MYO1B: variants seen among roughly 807,000 people sequenced by gnomAD.
MYO1B encodes the protein unconventional myosin-Ib.
A neutral mutation model predicts 159.7 loss-of-function variants in MYO1B; 72 were observed. The ratio of observed to expected loss-of-function variants is 0.45; its 90% confidence interval spans 0.37 to 0.55. The LOEUF (loss-of-function observed/expected upper bound fraction) is 0.55. MYO1B is among the 20% of genes least tolerant of loss of function. The probability of loss-of-function intolerance (pLI) is 0.00; values close to 1 mark genes in which losing one functional copy is unlikely to be tolerated. For missense variants in MYO1B, 1,062 were observed against 1,364.8 expected (o/e 0.78, Z 3.50); for synonymous variants, 468 against 473.8 (o/e 0.99, Z 0.16).
intron 24 of MYO1B, among the ~76,000 whole-genome samples, chr2:191,403,650 C>A (rs1001681239): frequency 2.6e-5 from 4 of 152,162 alleles, no homozygotes; most frequent in Non-Finnish European, 4.4e-5. Flanking sequence ...CTGCTTTGAA[C>A]AATCTGCATT....
chr2:191,308,940 C>T (rs1689817191), intron 3 of MYO1B, among the ~76,000 whole-genome samples: 1 of 152,196 alleles, frequency 6.6e-6, no homozygotes, highest in Non-Finnish European at 1.5e-5. Context: ...ATCCAGCCTC[C>T]GCATTCCCGT....
At chr2:191,373,164 C>T (rs945477459) in intron 13 of MYO1B, among the ~76,000 whole-genome samples, 24 of 152,014 alleles carry the variant, frequency 1.6e-4, no homozygotes, top group Admixed American at 3.3e-4. Flanking sequence ...GCCTGTGTTA[C>T]ATTTCTAAAT....
rs59793988 is a variant in MYO1B at position 191,267,668 on chromosome 2, C to G, written c.-9-9219C>G. ...TTCTCCAATGCTTTAGGGAGCCCTG[C>G]AGGGCACCCCGTGTGGTTCTGTGTG... On this transcript the variant is annotated intron_variant, in intron 1 of 30. Transcript: ENST00000392318. Among the ~76,000 whole-genome samples the G allele has an allele frequency of 1.6e-3, 243 of 152,330 alleles. 3 individuals carry two copies. Among genetic ancestry groups the G allele is most frequent in the African/African-American group, 5.6e-3 (234 of 41,580 alleles).
intron 3 of MYO1B, among the ~76,000 whole-genome samples, chr2:191,321,991 A>G (rs1417945171): frequency 6.6e-6 from 1 of 152,034 alleles, no homozygotes; most frequent in Non-Finnish European, 1.5e-5. Flanking sequence ...ATACTCTTCC[A>G]TTTCAGTTAT....
chr2:191,424,775 C>T lies in MYO1B; in HGVS notation c.*815C>T, dbSNP rs182022455. The T allele has an allele frequency of 3.3e-5, 5 of 152,554 alleles. No homozygotes were observed. Among genetic ancestry groups the T allele is most frequent in the Middle Eastern group, 3.4e-3 (1 of 294 alleles). The allele number at this position is 152,554 out of a possible 1,614,324, so 9.5% of individuals were successfully genotyped here. A position where few individuals can be genotyped will look rare whatever the true frequency, so the allele number is the denominator to read the frequency against. Reference sequence around the variant, plus strand: ...TCTGGTAAATACCATATATGATCCTCGAAATGATAATATCTCCAGAATATT... The same window carrying T: ...TCTGGTAAATACCATATATGATCCTTGAAATGATAATATCTCCAGAATATT... On this transcript the variant is annotated 3_prime_UTR_variant, in exon 31 of 31. Transcript: ENST00000392318.
intron 2 of MYO1B, among the ~76,000 whole-genome samples, chr2:191,290,783 A>G (rs943847434): frequency 1.8e-4 from 28 of 152,324 alleles, no homozygotes; most frequent in African/African-American, 6.7e-4. Context: ...TGCCAAGTTT[A>G]TTAGAAATGT....
At chr2:191,398,710 C>T (rs1260202189) in intron 21 of MYO1B, among the ~76,000 whole-genome samples, 4 of 151,552 alleles carry the variant, frequency 2.6e-5, no homozygotes. Flanking sequence ...GATGGGATGG[C>T]GGCGGGGAAG....
chr2:191,341,671 G>A (rs1219718137), intron 5 of MYO1B, 106 bp downstream of exon 5: 5 of 829,646 alleles, frequency 6.0e-6, no homozygotes, highest in African/African-American at 3.4e-5. Flanking sequence ...GGAGGGAAGA[G>A]GAAGGAAGAG....
chr2:191,399,232 G>T (rs987005906), intron 21 of MYO1B, among the ~76,000 whole-genome samples: 3 of 152,134 alleles, frequency 2.0e-5, no homozygotes, highest in African/African-American at 7.2e-5. Flanking sequence ...TCCAGCTTTG[G>T]CTCGGCATCA....
intron 3 of MYO1B, 31 bp from the exon 4 acceptor site, chr2:191,329,904 C>A (rs376859401): frequency 1.9e-6 from 3 of 1,586,398 alleles, no homozygotes; most frequent in Admixed American, 1.7e-5. Flanking sequence ...GATCTGAAGT[C>A]TAAGGAATTT....
rs896090892 is a variant in MYO1B at position 191,384,248 on chromosome 2, A to G, written c.1353+906A>G. On this transcript the variant is annotated intron_variant, in intron 15 of 30. Coordinates refer to ENST00000392318, the MANE Select transcript of MYO1B (RefSeq NM_001130158.3). ...TTATGCTTAGGATTACTAATACCTG[A>G]CTTTGAATAAGTAATTTGAAACAGT... 3.3e-5 allele frequency among the ~76,000 whole-genome samples: 5 copies of G among 152,230 alleles called. No individual in the cohort carries two copies. The East Asian group carries it at 7.7e-4, about 23-fold the overall frequency.
chr2:191,315,962 A>G (rs569170339), intron 3 of MYO1B, among the ~76,000 whole-genome samples: 1 of 152,242 alleles, frequency 6.6e-6, no homozygotes, highest in Non-Finnish European at 1.5e-5. Context: ...GGTGCCTAGT[A>G]TACATCTAGG....
Position 191,346,220 on chromosome 2 carries a change from G to T in MYO1B, c.452-16G>T. 6.5e-7 allele frequency: 1 copy of T among 1,548,482 alleles called. No homozygotes were observed. The highest frequency in any genetic ancestry group is 8.7e-7 in the Non-Finnish European group (1 of 1,142,982). On this transcript the variant is annotated splice_polypyrimidine_tract_variant and intron_variant, in intron 5 of 30. Transcript: ENST00000392318. The stretch of plus-strand genomic sequence containing the variant: ...TTATTATTTTTTTAACCATACATCT[G>T]TTTCTTTCCTACTAGCTTTTGGAAA...
chr2:191,402,224 T>A (rs1696658268), intron 23 of MYO1B: 1 of 188,918 alleles, frequency 5.3e-6, no homozygotes, highest in African/African-American at 2.4e-5. Context: ...GCATAGCTTC[T>A]TCAGCCCAAT....
At chr2:191,280,195 A>T (rs1270273547) in intron 2 of MYO1B, among the ~76,000 whole-genome samples, 1 of 152,052 alleles carries the variant, frequency 6.6e-6, no homozygotes, top group East Asian at 1.9e-4. Context: ...CTGGAAGCAG[A>T]CTCCCTTGTC....
chr2:191,351,007 T>C (rs1424387617), intron 7 of MYO1B, among the ~76,000 whole-genome samples: 8 of 151,970 alleles, frequency 5.3e-5, no homozygotes, highest in Non-Finnish European at 1.0e-4. Flanking sequence ...CGTGGTTGAT[T>C]AGTTTGGAAA....
At chr2:191,360,751 G>GTTGTTGTTGTTGT (rs1553552026) in intron 8 of MYO1B, 22 bp downstream of exon 8, 33 of 1,118,316 alleles carry the variant, frequency 3.0e-5, no homozygotes, top group African/African-American at 8.5e-5. Flanking sequence ...TTTCTATGTG[G>GTTGTTGTTGTTGT]TGTTGTTGTT....
At chr2:191,364,035 G>C in intron 10 of MYO1B, 123 bp from the exon 11 acceptor site, 1 of 1,227,352 alleles carries the variant, frequency 8.1e-7, no homozygotes, top group South Asian at 1.2e-5. Flanking sequence ...TTTGTTTTTT[G>C]ATGTATACAT....
chr2:191,375,450 A>G (rs1215114431), intron 13 of MYO1B, among the ~76,000 whole-genome samples: 4 of 149,522 alleles, frequency 2.7e-5, no homozygotes, highest in African/African-American at 9.8e-5. Flanking sequence ...ACAAAAGATG[A>G]CAACTGCTAT....
Sources: allele counts gnomAD v4.1 joint callset (sites outside exome capture counted in the v4.1 genomes callset), GRCh38; gene constraint gnomAD v4.1.1; transcripts MANE v1.5; gene names NCBI Gene and HGNC (gene_info 2026-07-23, HGNC 2026-07-21).